PTPRD: variants seen among roughly 807,000 people sequenced by gnomAD.
PTPRD encodes the protein receptor-type tyrosine-protein phosphatase delta.
A neutral mutation model predicts 214.5 loss-of-function variants in PTPRD; 34 were observed. The ratio of observed to expected loss-of-function variants is 0.16; its 90% CI spans 0.12 to 0.21. The LOEUF is 0.21. Among genes scored for constraint, PTPRD ranks in the 10% least tolerant of loss-of-function variants. The pLI is 1.00. For missense variants in PTPRD, 2,545 were observed against 2,398.7 expected (o/e 1.06, Z -1.27); for synonymous variants, 1,128 against 845.7 (o/e 1.33, Z -5.79).
intron 10 of PTPRD, among the ~76,000 whole-genome samples, chr9:9,127,091 C>T (rs376420266): frequency 6.6e-6 from 1 of 151,692 alleles, no homozygotes; most frequent in African/African-American, 2.4e-5. Context: ...TTGCAAAGCA[C>T]ACTCACACAC....
intron 2 of PTPRD, among the ~76,000 whole-genome samples, chr9:10,569,312 C>A (rs1659684877): frequency 6.6e-6 from 1 of 152,070 alleles, no homozygotes; most frequent in Non-Finnish European, 1.5e-5. Flanking sequence ...ACTCTTATCT[C>A]CAGAAGGCTC....
chr9:8,934,311 C>G (rs1567095467), intron 11 of PTPRD, among the ~76,000 whole-genome samples: 1 of 147,964 alleles, frequency 6.8e-6, no homozygotes, highest in African/African-American at 2.5e-5. Flanking sequence ...CTACCGAAAT[C>G]AAGCCCTGCA....
chr9:10,268,013 G>C (rs2094180261), intron 3 of PTPRD, among the ~76,000 whole-genome samples: 1 of 151,816 alleles, frequency 6.6e-6, no homozygotes, highest in East Asian at 1.9e-4. Context: ...AGGTGTGGTA[G>C]CTCATCCCTA....
chr9:8,782,935 C>G (rs1360978987), intron 11 of PTPRD, among the ~76,000 whole-genome samples: 2 of 152,006 alleles, frequency 1.3e-5, no homozygotes, highest in Non-Finnish European at 2.9e-5. Flanking sequence ...GTCTACGTAG[C>G]CAGAAAAGCT....
At chr9:10,549,842 T>G (rs747073640) in intron 2 of PTPRD, among the ~76,000 whole-genome samples, 2 of 152,040 alleles carry the variant, frequency 1.3e-5, no homozygotes, top group South Asian at 4.1e-4. Flanking sequence ...GATTAAAAGG[T>G]AATGAAAAAA....
At chr9:9,328,838 A>G (rs2041186822) in intron 9 of PTPRD, among the ~76,000 whole-genome samples, 1 of 150,822 alleles carries the variant, frequency 6.6e-6, no homozygotes, top group African/African-American at 2.4e-5. Context: ...GGGTTTCACT[A>G]TGTTGGCCAG....
rs1822346851 is a variant in PTPRD at position 8,317,021 on chromosome 9, T to G, written c.*853A>C. On this transcript the variant is annotated 3_prime_UTR_variant, in exon 46 of 46. Transcript: ENST00000381196. ...AACTTTATACTTTGCGCCTCCCTGTTGATTCCAAAAACAAAACAAAATAAT... is the reference window on the plus strand; with the variant it reads ...AACTTTATACTTTGCGCCTCCCTGTGGATTCCAAAAACAAAACAAAATAAT... 1 of 231,594 alleles carries G rather than the reference T, an allele frequency of 4.3e-6. No individual in the cohort carries two copies. 14.3% of individuals were successfully genotyped at this position (231,594 alleles called of 1,614,324 possible).
At chr9:10,315,515 T>C (rs1381744707) in intron 3 of PTPRD, among the ~76,000 whole-genome samples, 2 of 151,998 alleles carry the variant, frequency 1.3e-5, no homozygotes, top group Non-Finnish European at 2.9e-5. Context: ...ATTTATTATA[T>C]GCAATATGAC....
chr9:8,970,280 T>C (rs1160532582), intron 11 of PTPRD, among the ~76,000 whole-genome samples: 1 of 151,936 alleles, frequency 6.6e-6, no homozygotes, highest in Non-Finnish European at 1.5e-5. Flanking sequence ...TCTGTATATC[T>C]GCAGAAACAC....
intron 3 of PTPRD, among the ~76,000 whole-genome samples, chr9:10,126,426 TAC>T (rs57563877): frequency 0.045 from 4,355 of 96,076 alleles, 130 homozygotes; most frequent in African/African-American, 0.087. Context: ...GTTTTATATA[TAC>T]ACACACACAC....
At chr9:9,323,969 T>C (rs781273286) in intron 9 of PTPRD, among the ~76,000 whole-genome samples, 1 of 152,174 alleles carries the variant, frequency 6.6e-6, no homozygotes, top group Non-Finnish European at 1.5e-5. Flanking sequence ...GACAGTTTGC[T>C]CAGAATGATG....
At position 8,936,146 on chromosome 9, in the gene PTPRD, C is replaced by G. The variant is rs1317628177; in HGVS notation, c.-104+82551G>C. 2.0e-5 allele frequency: 3 copies of G among 152,146 alleles called. No homozygotes were observed. The South Asian group carries it at 6.2e-4, about 32-fold the overall frequency. The allele number at this position is 152,146 out of a possible 1,614,324, so 9.4% of individuals were successfully genotyped here. ...AACTTCAGGTCCAGGTGCTGTGGCTCATGCCTGTAATCCCAGCACTTTGGG... is the reference window on the plus strand; with the variant it reads ...AACTTCAGGTCCAGGTGCTGTGGCTGATGCCTGTAATCCCAGCACTTTGGG... On this transcript the variant is annotated intron_variant, in intron 11 of 45. Coordinates refer to ENST00000381196, the MANE Select transcript of PTPRD (RefSeq NM_002839.4).
chr9:9,053,027 A>C lies in PTPRD; in HGVS notation c.-142-34292T>G, dbSNP rs193275358. 5.6e-4 allele frequency among the ~76,000 whole-genome samples: 86 copies of C among 152,310 alleles called. 1 individual carries two copies. The highest frequency in any genetic ancestry group is 1.9e-3 in the African/African-American group (79 of 41,582). On this transcript the variant is annotated intron_variant, in intron 10 of 45. Transcript: ENST00000381196. ...TTTTAGATGGTGAATGACAATTTCC[A>C]ATTGGAAAAATATAGTATCAGAATT...
Position 9,467,588 on chromosome 9 carries a change from C to CA in PTPRD, c.-236-70107dup, listed in dbSNP as rs1176159031. Among the ~76,000 whole-genome samples, 447 of 55,896 alleles carry CA rather than the reference C, an allele frequency of 8.0e-3. 11 individuals are homozygous for CA. The highest frequency in any genetic ancestry group is 0.02 in the East Asian group (26 of 1,312). 36.7% of individuals were successfully genotyped at this position (55,896 alleles called of 152,430 possible). On this transcript the variant is annotated intron_variant, in intron 8 of 45. Transcript: ENST00000381196. Reference sequence around the variant, plus strand: ...GGCGACAGAGCGGGACTCCATCTCCCAAAAAAAAAAAAAAAAAAAAAAGTT... The same window carrying CA: ...GGCGACAGAGCGGGACTCCATCTCCCAAAAAAAAAAAAAAAAAAAAAAAGTT...
At chr9:9,657,040 A>G (rs568134033) in intron 7 of PTPRD, among the ~76,000 whole-genome samples, 61 of 152,278 alleles carry the variant, frequency 4.0e-4, no homozygotes, top group African/African-American at 1.5e-3. Flanking sequence ...CTCAATAAAT[A>G]ACAACCACTT....
At chr9:9,902,147 C>T (rs1337563703) in intron 5 of PTPRD, among the ~76,000 whole-genome samples, 2 of 152,158 alleles carry the variant, frequency 1.3e-5, no homozygotes, top group African/African-American at 4.8e-5. Context: ...TGTTTTCCAT[C>T]AGCCTTATTG....
chr9:10,512,807 G>C (rs575289239), intron 2 of PTPRD, among the ~76,000 whole-genome samples: 2 of 152,166 alleles, frequency 1.3e-5, no homozygotes, highest in Non-Finnish European at 1.5e-5. Flanking sequence ...GCAAACCAGG[G>C]TTTAGAGTAT....
chr9:10,140,679 A>G (rs975520593), intron 3 of PTPRD, among the ~76,000 whole-genome samples: 1 of 152,088 alleles, frequency 6.6e-6, no homozygotes, highest in Non-Finnish European at 1.5e-5. Flanking sequence ...ACAAGGAGGA[A>G]CTGGTACCAT....
intron 11 of PTPRD, among the ~76,000 whole-genome samples, chr9:8,750,915 T>C (rs1308067146): frequency 6.6e-6 from 1 of 150,518 alleles, no homozygotes; most frequent in East Asian, 1.9e-4. Flanking sequence ...TGTGTGCCAA[T>C]GGTCTAAAAA....
Sources: allele counts gnomAD v4.1 joint callset (sites outside exome capture counted in the v4.1 genomes callset), GRCh38; gene constraint gnomAD v4.1.1; transcripts MANE v1.5; gene names NCBI Gene and HGNC (gene_info 2026-07-23, HGNC 2026-07-21).